The following ADAMTS19 variants were observed in gnomAD, a reference collection of about 807,000 sequenced individuals.
The protein encoded by ADAMTS19 is A disintegrin and metalloproteinase with thrombospondin motifs 19.
Under a neutral mutation model 153.3 loss-of-function variants are expected in ADAMTS19, and 93 were observed. The observed-to-expected ratio is 0.61, with a 90% CI of 0.51 to 0.72. The LOEUF (loss-of-function observed/expected upper bound fraction) is 0.72. Ranked by LOEUF, ADAMTS19 falls within the 30% of genes least tolerant of loss-of-function variation. The probability of loss-of-function intolerance (pLI) is 0.00; values close to 1 mark genes in which losing one functional copy is unlikely to be tolerated. For missense variants in ADAMTS19, 1,482 were observed against 1,552.1 expected (o/e 0.95, Z 0.76); for synonymous variants, 600 against 556.6 (o/e 1.08, Z -1.10).
chr5:129,731,423 G>A (rs943775052), intron 21 of ADAMTS19, among the ~76,000 whole-genome samples: 1 of 152,094 alleles, frequency 6.6e-6, no homozygotes, highest in African/African-American at 2.4e-5. Flanking sequence ...GTAAACACAT[G>A]CCAGCCTGGA....
chr5:129,686,981 C>A (rs1000399233), intron 18 of ADAMTS19, among the ~76,000 whole-genome samples: 1 of 152,072 alleles, frequency 6.6e-6, no homozygotes, highest in East Asian at 1.9e-4. Context: ...TGCTGATGCT[C>A]CCATATGCAC....
intron 21 of ADAMTS19, among the ~76,000 whole-genome samples, chr5:129,727,941 T>C (rs1465677443): frequency 2.0e-5 from 3 of 152,042 alleles, no homozygotes; most frequent in East Asian, 1.9e-4. Context: ...GCATTATAAG[T>C]CACAGGATGA....
At chr5:129,570,193 A>G (rs2126861727) in intron 7 of ADAMTS19, among the ~76,000 whole-genome samples, 1 of 152,084 alleles carries the variant, frequency 6.6e-6, no homozygotes, top group South Asian at 2.1e-4. Flanking sequence ...AGTATGACAA[A>G]GAAAAATAGA....
intron 7 of ADAMTS19, among the ~76,000 whole-genome samples, chr5:129,586,153 A>G (rs922988821): frequency 6.6e-6 from 1 of 152,176 alleles, no homozygotes; most frequent in East Asian, 1.9e-4. Context: ...TTATTTTTAC[A>G]ATTGGTGACC....
chr5:129,493,619 A>G (rs1750839700), intron 2 of ADAMTS19, among the ~76,000 whole-genome samples: 1 of 152,186 alleles, frequency 6.6e-6, no homozygotes, highest in East Asian at 1.9e-4. Flanking sequence ...GCTAGGAAGC[A>G]TCATGATTCT....
intron 21 of ADAMTS19, among the ~76,000 whole-genome samples, chr5:129,707,334 G>C (rs1381087282): frequency 1.3e-5 from 2 of 152,122 alleles, no homozygotes; most frequent in Non-Finnish European, 2.9e-5. Flanking sequence ...TGGTAACTTA[G>C]AAGATCCAGT....
intron 16 of ADAMTS19, among the ~76,000 whole-genome samples, chr5:129,672,083 T>C (rs1754325907): frequency 6.6e-6 from 1 of 152,164 alleles, no homozygotes; most frequent in East Asian, 1.9e-4. Flanking sequence ...GGTGCCAGCA[T>C]GGTGGGCTTC....
intron 6 of ADAMTS19, among the ~76,000 whole-genome samples, chr5:129,536,371 C>G (rs919602333): frequency 6.6e-5 from 10 of 152,188 alleles, no homozygotes; most frequent in South Asian, 2.1e-4. Context: ...GATACCATCT[C>G]ACACCAGTTA....
intron 6 of ADAMTS19, among the ~76,000 whole-genome samples, chr5:129,530,322 G>T (rs1424361720): frequency 6.6e-6 from 1 of 152,056 alleles, no homozygotes; most frequent in African/African-American, 2.4e-5. Flanking sequence ...GAGTAAGAAT[G>T]GGTAAGAAAA....
chr5:129,557,395 C>G (rs140557632), intron 7 of ADAMTS19, among the ~76,000 whole-genome samples: 217 of 151,944 alleles, frequency 1.4e-3, no homozygotes, highest in African/African-American at 4.9e-3. Context: ...GCCAGGAGTT[C>G]GAAACAAGCC....
chr5:129,697,356 G>A (rs139755586), intron 19 of ADAMTS19, among the ~76,000 whole-genome samples: 1 of 152,022 alleles, frequency 6.6e-6, no homozygotes, highest in African/African-American at 2.4e-5. Flanking sequence ...CAATCAGCTG[G>A]GGGGCTTAAA....
Position 129,668,567 on chromosome 5 carries a change from C to A in ADAMTS19, c.2506+2988C>A, listed in dbSNP as rs148342100. On this transcript the variant is annotated intron_variant, in intron 16 of 22. Coordinates refer to ENST00000274487, the MANE Select transcript of ADAMTS19 (RefSeq NM_133638.6). ...ACACTAATCCCAATTATAAGGGCAGCGCTCTTATGACCTAATCACCTCTCA... is the reference window on the plus strand; with the variant it reads ...ACACTAATCCCAATTATAAGGGCAGAGCTCTTATGACCTAATCACCTCTCA... Among the ~76,000 whole-genome samples the A allele has an allele frequency of 2.5e-3, 382 of 152,148 alleles. 1 individual carries two copies. The highest frequency in any genetic ancestry group is 7.5e-3 in the African/African-American group (312 of 41,502).
intron 6 of ADAMTS19, among the ~76,000 whole-genome samples, chr5:129,531,558 G>A (rs2126775198): frequency 6.6e-6 from 1 of 152,280 alleles, no homozygotes; most frequent in East Asian, 1.9e-4. Flanking sequence ...CTGGGAGGCA[G>A]AGGTTGCAGT....
intron 3 of ADAMTS19, among the ~76,000 whole-genome samples, chr5:129,526,083 G>A (rs1000541913): frequency 7.9e-5 from 12 of 151,984 alleles, no homozygotes; most frequent in Non-Finnish European, 1.6e-4. Flanking sequence ...ACTGAGTGAT[G>A]TTAGTTTGCT....
At chr5:129,607,602 A>G (rs1750965809) in intron 8 of ADAMTS19, among the ~76,000 whole-genome samples, 1 of 152,180 alleles carries the variant, frequency 6.6e-6, no homozygotes, top group East Asian at 1.9e-4. Flanking sequence ...TGCTACACAA[A>G]TATAATGGCA....
chr5:129,695,805 G>T (rs763390699), intron 19 of ADAMTS19, among the ~76,000 whole-genome samples: 1 of 152,136 alleles, frequency 6.6e-6, no homozygotes, highest in Non-Finnish European at 1.5e-5. Context: ...GTTGAAGCCC[G>T]GTGAGTTAGG....
intron 8 of ADAMTS19, among the ~76,000 whole-genome samples, chr5:129,617,894 C>G (rs1751602124): frequency 6.6e-6 from 1 of 151,954 alleles, no homozygotes; most frequent in South Asian, 2.1e-4. Context: ...GTTTATGTAT[C>G]TTTTGACAAA....
intron 2 of ADAMTS19, 38 bp from the exon 3 acceptor site, chr5:129,509,039 G>T: frequency 6.8e-7 from 1 of 1,467,686 alleles, no homozygotes; most frequent in South Asian, 1.3e-5. Flanking sequence ...TTTTTCAAAT[G>T]ATATTTCTTA....
chr5:129,548,583 G>C (rs1035905716), intron 6 of ADAMTS19, among the ~76,000 whole-genome samples: 15 of 151,384 alleles, frequency 9.9e-5, no homozygotes, highest in African/African-American at 3.4e-4. Flanking sequence ...TGTTGGGACT[G>C]TAAACTAGTT....
Sources: allele counts gnomAD v4.1 joint callset (sites outside exome capture counted in the v4.1 genomes callset), GRCh38; gene constraint gnomAD v4.1.1; transcripts MANE v1.5; gene names NCBI Gene and HGNC (gene_info 2026-07-23, HGNC 2026-07-21).